The following C4orf50 variants were observed in gnomAD, a reference collection of about 807,000 sequenced individuals.
C4orf50 encodes chromosome 4 open reading frame 50.
In C4orf50, 80 loss-of-function variants were observed where a neutral mutation model predicts 77.2. The observed-to-expected ratio is 1.04, with a 90% confidence interval of 0.87 to 1.25. The LOEUF is 1.25. Among genes scored for constraint, C4orf50 ranks in the 50% most tolerant of loss-of-function variants. C4orf50 has a pLI of 0.00. For missense variants in C4orf50, 1,257 were observed against 1,152.9 expected (o/e 1.09, Z -1.31); for synonymous variants, 532 against 465.3 (o/e 1.14, Z -1.84).
At chr4:5,986,096 A>G (rs1720837398) in intron 28 of C4orf50, among the ~76,000 whole-genome samples, 3 of 152,252 alleles carry the variant, frequency 2.0e-5, no homozygotes, top group Non-Finnish European at 4.4e-5. Context: ...TTGGTTAATG[A>G]CAAAACAAAT....
At chr4:5,988,375 G>A (rs1325929989) in exon 28 of C4orf50, 19 of 1,613,926 alleles carry the variant, frequency 1.2e-5, no homozygotes, top group Non-Finnish European at 1.6e-5. Context: ...GGAGCTCAGA[G>A]CTTGCCCCTG....
chr4:5,994,340 C>T lies in C4orf50; in HGVS notation c.1093+7G>A, dbSNP rs550292854. 560 of 399,256 alleles carry T rather than the reference C, an allele frequency of 1.4e-3. 1 individual carries two copies. The highest frequency in any genetic ancestry group is 2.6e-4 in the Non-Finnish European group (58 of 226,196). The allele number at this position is 399,256 out of a possible 1,614,324, so 24.7% of individuals were successfully genotyped here. A position where few individuals can be genotyped will look rare whatever the true frequency, so the allele number is the denominator to read the frequency against. The stretch of plus-strand genomic sequence containing the variant: ...CTCGTCCTCCACGCACCGCGGTACC[C>T]GCGCACCTGCTGGGGCCCTTTGTCT... On this transcript the variant is annotated splice_region_variant and intron_variant, in intron 26 of 33. Transcript: ENST00000531445.
In C4orf50 at chr4:5,907,639, C is replaced by T. The variant is rs563706536; in HGVS notation, c.*2475-9451G>A. On this transcript the variant is annotated intron_variant, in intron 7 of 7. Coordinates refer to the C4orf50 transcript ENST00000324058. ...TCTGAGGAAATCATCCAGAATTCAGCCCAGAGAGATAAAGAGGCATATGGG... is the reference window on the plus strand; with the variant it reads ...TCTGAGGAAATCATCCAGAATTCAGTCCAGAGAGATAAAGAGGCATATGGG... Among the ~76,000 whole-genome samples the T allele has an allele frequency of 8.5e-4, 129 of 152,164 alleles. 1 individual carries two copies. The highest frequency in any genetic ancestry group is 6.8e-3 in the Middle Eastern group (2 of 294).
At chr4:5,937,659 A>T (rs1203932717) in intron 7 of C4orf50, among the ~76,000 whole-genome samples, 3 of 152,216 alleles carry the variant, frequency 2.0e-5, no homozygotes, top group East Asian at 1.9e-4. Flanking sequence ...TAAAAAATTT[A>T]AAATACAGCT....
chr4:5,947,524 C>T lies in C4orf50; in HGVS notation c.*2474+9377G>A, dbSNP rs550188835. 5.9e-5 allele frequency among the ~76,000 whole-genome samples: 9 copies of T among 152,242 alleles called. No individual in the cohort carries two copies. In the East Asian group the frequency reaches 1.2e-3, roughly 20 times the overall value. Reference sequence around the variant, plus strand: ...ACCAGGCGACCTGTCCATGCAGCCACGTGCAGAATGCAAGCTCAAGCAACG... The same window carrying T: ...ACCAGGCGACCTGTCCATGCAGCCATGTGCAGAATGCAAGCTCAAGCAACG... On this transcript the variant is annotated intron_variant, in intron 7 of 7. Transcript: ENST00000324058.
chr4:6,004,079 T>C (rs1722038747), intron 25 of C4orf50, among the ~76,000 whole-genome samples: 1 of 26,084 alleles, frequency 3.8e-5, no homozygotes, highest in Non-Finnish European at 7.5e-5. Context: ...ATGGTGATGA[T>C]GTGATAGTGA....
At chr4:6,010,416 T>C (rs1722445871) in intron 24 of C4orf50, among the ~76,000 whole-genome samples, 1 of 152,250 alleles carries the variant, frequency 6.6e-6, no homozygotes, top group Non-Finnish European at 1.5e-5. Flanking sequence ...CTATTTCAGC[T>C]AATAGCTATG....
chr4:5,975,160 A>AC (rs1720190494), intron 30 of C4orf50, among the ~76,000 whole-genome samples: 2 of 114,016 alleles, frequency 1.8e-5, no homozygotes, highest in African/African-American at 7.3e-5. Context: ...AAAAAAAAAA[A>AC]AAAAAAAAAA....
rs74440404 is a variant in C4orf50, at chr4:5,991,339, T to C, written c.1222-515A>G. On this transcript the variant is annotated intron_variant, in intron 27 of 33. Transcript: ENST00000531445. Reference sequence around the variant, plus strand: ...CCCCATGTGGCTCGTGGCTACTGTCTTGGGCAGTGCAGATGCAGACTGTGA... The same window carrying C: ...CCCCATGTGGCTCGTGGCTACTGTCCTGGGCAGTGCAGATGCAGACTGTGA... Among the ~76,000 whole-genome samples the C allele has an allele frequency of 4.1e-3, 624 of 152,308 alleles. 4 individuals are homozygous for C. Among genetic ancestry groups the C allele is most frequent in the African/African-American group, 0.014 (589 of 41,576 alleles).
rs1722500943 is a variant in C4orf50, at chr4:6,011,674, C to T, written c.426+156G>A. 6.6e-6 allele frequency among the ~76,000 whole-genome samples: 1 copy of T among 152,168 alleles called. No individual in the cohort carries two copies. Among genetic ancestry groups the T allele is most frequent in the African/African-American group, 2.4e-5 (1 of 41,442 alleles). ...CCCTGCATGCCCCAGGCCCCGCAGT[C>T]ACGCCATGCACCATGAACGTAGGAT... On this transcript the variant is annotated intron_variant, in intron 24 of 33. Coordinates refer to ENST00000531445, the Ensembl canonical transcript of C4orf50. The surrounding 1 kb of genome is among the most constrained non-coding windows in gnomAD (Gnocchi z 4.2).
intron 7 of C4orf50, among the ~76,000 whole-genome samples, chr4:5,938,403 C>G (rs982274575): frequency 4.6e-5 from 7 of 152,178 alleles, no homozygotes; most frequent in African/African-American, 7.2e-5. Flanking sequence ...ATAACCTCCT[C>G]CAACAAGTTA....
chr4:5,938,322 A>G (rs1454171567), intron 7 of C4orf50, among the ~76,000 whole-genome samples: 3 of 152,242 alleles, frequency 2.0e-5, no homozygotes, highest in Admixed American at 6.5e-5. Flanking sequence ...TAAATGACTC[A>G]TGGATCAAAG....
chr4:5,944,459 CGAT>C (rs1220159921), intron 7 of C4orf50, among the ~76,000 whole-genome samples: 2 of 152,142 alleles, frequency 1.3e-5, no homozygotes, highest in African/African-American at 4.8e-5. Context: ...ATGAAATGAT[CGAT>C]GAGACAAATA....
At chr4:6,016,929 G>T (rs2108816598) in intron 23 of C4orf50, among the ~76,000 whole-genome samples, 1 of 152,308 alleles carries the variant, frequency 6.6e-6, no homozygotes, top group East Asian at 1.9e-4. Context: ...GTGGCTGCTG[G>T]GATATGAGTA....
At chr4:5,937,167 G>C (rs553240236) in intron 7 of C4orf50, among the ~76,000 whole-genome samples, 3 of 151,780 alleles carry the variant, frequency 2.0e-5, no homozygotes, top group Admixed American at 6.6e-5. Context: ...AAGAAAGAAC[G>C]GCAACTAAAG....
chr4:5,988,201 C>A, intron 28 of C4orf50, 146 bp downstream of exon 6: 5 of 1,087,192 alleles, frequency 4.6e-6, no homozygotes, highest in African/African-American at 1.6e-5. Flanking sequence ...TCTCTGTTTT[C>A]TTTGTACCAA....
At chr4:5,960,417 G>A (rs1228872686) in intron 33 of C4orf50, among the ~76,000 whole-genome samples, 1 of 152,216 alleles carries the variant, frequency 6.6e-6, no homozygotes, top group Non-Finnish European at 1.5e-5. Context: ...CCAGACAGAT[G>A]AGCAGAATGG....
intron 7 of C4orf50, among the ~76,000 whole-genome samples, chr4:5,922,600 C>T (rs368934562): frequency 6.6e-6 from 1 of 152,156 alleles, no homozygotes. Context: ...GGGGAGAGTG[C>T]CTTGCTTGTA....
At chr4:5,942,751 A>G (rs1718318688) in intron 7 of C4orf50, among the ~76,000 whole-genome samples, 1 of 152,204 alleles carries the variant, frequency 6.6e-6, no homozygotes, top group African/African-American at 2.4e-5. Flanking sequence ...AGAATCCATT[A>G]TCTTAACCAA....
Sources: allele counts gnomAD v4.1 joint callset (sites outside exome capture counted in the v4.1 genomes callset), GRCh38; gene constraint gnomAD v4.1.1; non-coding constraint Gnocchi (gnomAD v3.1); transcripts MANE v1.5; gene names NCBI Gene and HGNC (gene_info 2026-07-23, HGNC 2026-07-21).